LOC128092252: variants seen among roughly 807,000 people sequenced by gnomAD.
chr15:50,666,054 CAT>C, the LOC128092252 span, among the ~76,000 whole-genome samples: 1 of 151,734 alleles, frequency 6.6e-6, no homozygotes, highest in African/African-American at 2.4e-5. Context: ...ACTTTAAAAA[CAT>C]ATTGAAAGAA....
the LOC128092252 span, among the ~76,000 whole-genome samples, chr15:50,678,841 G>T: frequency 1.7e-4 from 26 of 151,684 alleles, no homozygotes; most frequent in African/African-American, 6.0e-4. Context: ...ATCAACCTGG[G>T]CAACAGAGTG....
At chr15:50,657,722 T>C in the LOC128092252 span, 3 of 1,444,122 alleles carry the variant, frequency 2.1e-6, no homozygotes, top group Non-Finnish European at 2.9e-6. Context: ...CTCATATTTC[T>C]AATAGATTAG....
the LOC128092252 span, among the ~76,000 whole-genome samples, chr15:50,649,196 T>C: frequency 6.6e-6 from 1 of 151,996 alleles, no homozygotes; most frequent in Non-Finnish European, 1.5e-5. Context: ...CCCAACACTG[T>C]GGGAGGCCAT....
At chr15:50,662,326 CAAA>C in the LOC128092252 span, among the ~76,000 whole-genome samples, 1 of 124,656 alleles carries the variant, frequency 8.0e-6, no homozygotes. Flanking sequence ...GACTCTGTTC[CAAA>C]AAAAAAAAAA....
the LOC128092252 span, among the ~76,000 whole-genome samples, chr15:50,665,766 G>A: frequency 1.3e-5 from 2 of 152,220 alleles, no homozygotes; most frequent in Non-Finnish European, 2.9e-5. Context: ...AGGCCGAGGT[G>A]GGCAGATCAC....
the LOC128092252 span, chr15:50,648,875 C>A: frequency 1.9e-6 from 3 of 1,602,108 alleles, no homozygotes; most frequent in Non-Finnish European, 1.7e-6. Flanking sequence ...ACCAAGCGAC[C>A]ACAAAAACAC....
chr15:50,678,144 G>A, the LOC128092252 span, among the ~76,000 whole-genome samples: 1 of 151,460 alleles, frequency 6.6e-6, no homozygotes, highest in South Asian at 2.1e-4. Context: ...GGGAGGCTGA[G>A]GCAGGAGGAT....
chr15:50,686,607 G>C, the LOC128092252 span: 2 of 1,582,454 alleles, frequency 1.3e-6, no homozygotes. Flanking sequence ...GCCATCTATC[G>C]GGAAGCGTCT....
At chr15:50,657,881 TATAAAATAC>T in the LOC128092252 span, 32 of 1,373,000 alleles carry the variant, frequency 2.3e-5, no homozygotes, top group African/African-American at 1.5e-4. Context: ...TTTTAAAGTA[TATAAAATAC>T]ATAAAATACA....
the LOC128092252 span, among the ~76,000 whole-genome samples, chr15:50,666,067 T>TA: frequency 1.3e-5 from 2 of 151,420 alleles, no homozygotes; most frequent in Non-Finnish European, 2.9e-5. Flanking sequence ...ATTGAAAGAA[T>TA]AAAGTCAAAG....
chr15:50,664,226 A>G, the LOC128092252 span, among the ~76,000 whole-genome samples: 1 of 146,598 alleles, frequency 6.8e-6, no homozygotes, highest in Non-Finnish European at 1.5e-5. Flanking sequence ...TGAACCAGGG[A>G]GTGAACCAGG....
chr15:50,686,704 G>C, the LOC128092252 span: 6 of 841,628 alleles, frequency 7.1e-6, no homozygotes, highest in Non-Finnish European at 1.1e-5. Context: ...AGCAGCAGAA[G>C]CCGAGTCTTT....
chr15:50,686,534 TCTC>T, the LOC128092252 span: 1 of 1,610,864 alleles, frequency 6.2e-7, no homozygotes, highest in South Asian at 1.1e-5. Flanking sequence ...CCAGTACCAT[TCTC>T]CTCACGGGGC....
chr15:50,652,437 T>C, the LOC128092252 span, among the ~76,000 whole-genome samples: 137 of 140,090 alleles, frequency 9.8e-4, 1 homozygote, highest in African/African-American at 3.5e-3. Context: ...ATAAATAAAA[T>C]TGATAAACTG....
At chr15:50,666,836 CAAGTAA>C in the LOC128092252 span, among the ~76,000 whole-genome samples, 1 of 151,922 alleles carries the variant, frequency 6.6e-6, no homozygotes, top group South Asian at 2.1e-4. Flanking sequence ...GGTGGCAGCA[CAAGTAA>C]TAGTAAGACT....
chr15:50,685,543 A>G, the LOC128092252 span, among the ~76,000 whole-genome samples: 4 of 152,250 alleles, frequency 2.6e-5, no homozygotes, highest in African/African-American at 9.6e-5. Context: ...TGTTATAAGT[A>G]AAACTCTTAT....
chr15:50,659,596 T>C, the LOC128092252 span, among the ~76,000 whole-genome samples: 618 of 152,358 alleles, frequency 4.1e-3, 5 homozygotes, highest in African/African-American at 0.014. Context: ...ATACCTTGAG[T>C]GCTTTTATTA....
At chr15:50,676,728 G>C in the LOC128092252 span, among the ~76,000 whole-genome samples, 1 of 152,036 alleles carries the variant, frequency 6.6e-6, no homozygotes, top group African/African-American at 2.4e-5. Flanking sequence ...CCTATGCCTA[G>C]TGAACAGCAA....
the LOC128092252 span, among the ~76,000 whole-genome samples, chr15:50,677,751 A>AAG: frequency 4.0e-5 from 6 of 148,230 alleles, no homozygotes; most frequent in African/African-American, 1.2e-4. Flanking sequence ...AAAAAAAAAA[A>AAG]AAAAAAAAAC....
Sources: allele counts gnomAD v4.1 joint callset (sites outside exome capture counted in the v4.1 genomes callset), GRCh38; gene constraint gnomAD v4.1.1; transcripts MANE v1.5.